Variants in MYO16 observed in about 807,000 individuals in gnomAD.
MYO16 encodes myosin XVI.
MYO16 carries 94 observed loss-of-function variants against 205.3 expected under a neutral mutation model. The ratio of observed to expected loss-of-function variants is 0.46; its 90% CI spans 0.39 to 0.54. The LOEUF (loss-of-function observed/expected upper bound fraction) is 0.54, where lower values mean the gene tolerates loss of function less well. Among genes scored for constraint, MYO16 ranks in the 20% least tolerant of loss-of-function variants. The probability of loss-of-function intolerance (pLI) is 0.00; values close to 1 mark genes in which losing one functional copy is unlikely to be tolerated. For missense variants in MYO16, 2,315 were observed against 2,387.5 expected (o/e 0.97, Z 0.63); for synonymous variants, 988 against 954.0 (o/e 1.04, Z -0.66).
chr13:109,038,340 G>GCACC (rs1361957914), intron 23 of MYO16, among the ~76,000 whole-genome samples: 1 of 152,064 alleles, frequency 6.6e-6, no homozygotes, highest in Non-Finnish European at 1.5e-5. Context: ...GGGTGGGTGG[G>GCACC]CACCACCTAA....
At chr13:108,721,461 G>A (rs901088285) in intron 3 of MYO16, among the ~76,000 whole-genome samples, 4 of 152,126 alleles carry the variant, frequency 2.6e-5, no homozygotes, top group Non-Finnish European at 5.9e-5. Context: ...TATTGTTAAC[G>A]CTTCCTCTGT....
At chr13:108,550,750 G>A in the MYO16 span, among the ~76,000 whole-genome samples, 1 of 152,148 alleles carries the variant, frequency 6.6e-6, no homozygotes, top group South Asian at 2.1e-4. Flanking sequence ...ACAAAACAAA[G>A]CATGTATTGA....
intron 1 of MYO16, among the ~76,000 whole-genome samples, chr13:108,598,690 T>A (rs1216953987): frequency 6.6e-6 from 1 of 152,184 alleles, no homozygotes; most frequent in Non-Finnish European, 1.5e-5. Context: ...TTTGTAAGGA[T>A]GAGTATGATC....
chr13:108,605,869 A>G (rs1878939345), intron 1 of MYO16, among the ~76,000 whole-genome samples: 1 of 152,208 alleles, frequency 6.6e-6, no homozygotes, highest in Non-Finnish European at 1.5e-5. Flanking sequence ...GAGGGCTCAG[A>G]AAAATACTGG....
At chr13:108,839,833 A>T (rs1877141182) in intron 9 of MYO16, among the ~76,000 whole-genome samples, 1 of 152,138 alleles carries the variant, frequency 6.6e-6, no homozygotes, top group Non-Finnish European at 1.5e-5. Context: ...CCTCCAGGGA[A>T]CTCTTGTCTT....
At chr13:108,938,615 A>C (rs368991889) in intron 16 of MYO16, among the ~76,000 whole-genome samples, 2 of 152,354 alleles carry the variant, frequency 1.3e-5, no homozygotes, top group African/African-American at 4.8e-5. Flanking sequence ...AGATGCCTGG[A>C]GATCTGCCTG....
intron 32 of MYO16, among the ~76,000 whole-genome samples, chr13:109,143,691 T>A (rs891447852): frequency 6.6e-6 from 1 of 151,508 alleles, no homozygotes; most frequent in Middle Eastern, 3.2e-3. Context: ...CCAGGCATAG[T>A]GTGTAAATTT....
intron 32 of MYO16, among the ~76,000 whole-genome samples, chr13:109,151,596 CA>C (rs1428809952): frequency 1.3e-5 from 2 of 152,120 alleles, no homozygotes; most frequent in African/African-American, 4.8e-5. Context: ...AACTCTGGCT[CA>C]AAATCAAACA....
chr13:108,839,458 C>G (rs1566361817), intron 9 of MYO16, among the ~76,000 whole-genome samples: 2 of 151,932 alleles, frequency 1.3e-5, no homozygotes, highest in African/African-American at 2.4e-5. Context: ...TTGAGAAGAA[C>G]AGTCTACCTT....
At chr13:108,897,066 G>T (rs1364667822) in intron 14 of MYO16, among the ~76,000 whole-genome samples, 2 of 152,064 alleles carry the variant, frequency 1.3e-5, no homozygotes, top group Non-Finnish European at 2.9e-5. Context: ...GTAGGATAGT[G>T]TTCTCAAAAA....
In MYO16 at chr13:108,823,155, T is replaced by C; in HGVS notation, c.974T>C (p.Met325Thr). Residue 325 changes from methionine (M) to threonine (T), a missense_variant, in exon 9 of 35, where the codon ATG (methionine) becomes ACG (threonine). Coordinates refer to ENST00000457511, the MANE Select transcript of MYO16 (RefSeq NM_001198950.3). ...GCTGCCTCTGAGTTTATTGAGGAAA[T>C]GCTGCTGAAAGCCGAAATTGCCTGG... Reference protein sequence around the residue: ...DIAASEFIEEMLLKAEIAWEE... With the variant: ...DIAASEFIEETLLKAEIAWEE... The C allele has an allele frequency of 6.2e-7, 1 of 1,612,132 alleles. No individual in the cohort carries two copies. Among genetic ancestry groups the C allele is most frequent in the South Asian group, 1.1e-5 (1 of 91,042 alleles).
chr13:108,688,425 T>C (rs1207909086), intron 2 of MYO16, among the ~76,000 whole-genome samples: 1 of 152,200 alleles, frequency 6.6e-6, no homozygotes, highest in African/African-American at 2.4e-5. Flanking sequence ...TTCTCATTAT[T>C]ATTTTATTAT....
At chr13:108,712,024 T>C (rs1883742892) in intron 2 of MYO16, among the ~76,000 whole-genome samples, 1 of 152,228 alleles carries the variant, frequency 6.6e-6, no homozygotes, top group Non-Finnish European at 1.5e-5. Context: ...CTCTTAATAC[T>C]CTGTGGCATT....
At chr13:108,973,896 A>G (rs1884150759) in intron 20 of MYO16, among the ~76,000 whole-genome samples, 1 of 152,144 alleles carries the variant, frequency 6.6e-6, no homozygotes, top group African/African-American at 2.4e-5. Flanking sequence ...AAAATATTCC[A>G]TATAGAGAAA....
At chr13:109,081,796 G>A (rs1472093786) in intron 27 of MYO16, among the ~76,000 whole-genome samples, 1 of 152,164 alleles carries the variant, frequency 6.6e-6, no homozygotes, top group Non-Finnish European at 1.5e-5. Context: ...TTGTATTTTA[G>A]GGTATAAAAC....
Position 108,992,320 on chromosome 13 carries a change from G to C in MYO16, c.2370-56G>C. 3.2e-6 allele frequency: 4 copies of C among 1,246,818 alleles called. No homozygotes were observed. The South Asian group carries it at 5.2e-5, about 16-fold the overall frequency. The allele number at this position is 1,246,818 out of a possible 1,614,324, so 77.2% of individuals were successfully genotyped here. ...CTTCTGACCTGAATAATGAAAAGAGGGTCATGAAGGAGTTTTAAGGATGCC... is the reference window on the plus strand; with the variant it reads ...CTTCTGACCTGAATAATGAAAAGAGCGTCATGAAGGAGTTTTAAGGATGCC... On this transcript the variant is annotated intron_variant, in intron 20 of 34. Transcript: ENST00000457511.
intron 15 of MYO16, among the ~76,000 whole-genome samples, chr13:108,902,259 G>C (rs1880747737): frequency 6.6e-6 from 1 of 152,202 alleles, no homozygotes; most frequent in Non-Finnish European, 1.5e-5. Flanking sequence ...GTCTAAGCAA[G>C]AGGAAGGGGC....
intron 33 of MYO16, among the ~76,000 whole-genome samples, chr13:109,176,922 G>A (rs1337044441): frequency 1.3e-5 from 2 of 152,090 alleles, no homozygotes; most frequent in Non-Finnish European, 2.9e-5. Flanking sequence ...TCTTTCTTTA[G>A]TCAACAGTTA....
At chr13:108,981,176 G>A (rs1270291090) in intron 20 of MYO16, among the ~76,000 whole-genome samples, 2 of 152,194 alleles carry the variant, frequency 1.3e-5, no homozygotes, top group Non-Finnish European at 2.9e-5. Context: ...ATATGGACAT[G>A]CCCCGCAGGC....
Sources: gnomAD v4.1 joint callset for allele counts (sites outside exome capture counted in the v4.1 genomes callset) on GRCh38, gnomAD v4.1.1 for gene constraint, MANE v1.5 for transcripts, NCBI Gene and HGNC (gene_info 2026-07-23, HGNC 2026-07-21) for gene names.